DNAH14: variants seen among roughly 807,000 people sequenced by gnomAD.
DNAH14 encodes axonemal beta dynein heavy chain 14.
Under a neutral mutation model 520.9 loss-of-function variants are expected in DNAH14, and 478 were observed. That is an observed-to-expected ratio of 0.92 (90% CI 0.85 to 0.99). The LOEUF is 0.99. DNAH14 is among the 50% of genes least tolerant of loss of function. The pLI is 0.00. For synonymous variants in DNAH14, 1,581 were observed against 1,757.2 expected (o/e 0.90, Z 2.51); for missense variants, 4,831 against 5,234.5 (o/e 0.92, Z 2.38).
chr1:225,167,540 A>G (rs1402385150), intron 35 of DNAH14, among the ~76,000 whole-genome samples: 1 of 152,230 alleles, frequency 6.6e-6, no homozygotes, highest in African/African-American at 2.4e-5. Context: ...TAATCATTAC[A>G]AAATTGAAAA....
intron 55 of DNAH14, among the ~76,000 whole-genome samples, chr1:225,291,934 T>C (rs1285739005): frequency 6.6e-6 from 1 of 152,100 alleles, no homozygotes; most frequent in East Asian, 1.9e-4. Context: ...TTGTTTTTCG[T>C]TCTTTATTTT....
At position 225,259,261 on chromosome 1, in the gene DNAH14, A is replaced by T; in HGVS notation, c.7157+8A>T. On this transcript the variant is annotated splice_region_variant and intron_variant, in intron 46 of 85. Transcript: ENST00000682510. ...TGAAATAAAAAAATCAAGGTTGTAT[A>T]TACTAACTTCTAAATTTGATTTGTC... 1 of 1,396,666 alleles carries T rather than the reference A, an allele frequency of 7.2e-7. No individual in the cohort carries two copies. Among genetic ancestry groups the T allele is most frequent in the Non-Finnish European group, 9.4e-7 (1 of 1,061,936 alleles). The allele number at this position is 1,396,666 out of a possible 1,614,324, so 86.5% of individuals were successfully genotyped here. A position where few individuals can be genotyped will look rare whatever the true frequency, so the allele number is the denominator to read the frequency against.
At chr1:225,290,649 A>G (rs761876714) in intron 55 of DNAH14, among the ~76,000 whole-genome samples, 40 of 16,086 alleles carry the variant, frequency 2.5e-3, no homozygotes, top group African/African-American at 5.2e-3. Context: ...GTGTGTGTGT[A>G]TATATATATA....
At chr1:225,043,630 T>C in intron 13 of DNAH14, 114 bp from the exon 14 acceptor site, 1 of 780,904 alleles carries the variant, frequency 1.3e-6, no homozygotes, top group East Asian at 2.9e-5. Context: ...AAGTGACTTC[T>C]TGAGTTTATT....
At chr1:225,066,695 A>T (rs1170286522) in intron 17 of DNAH14, among the ~76,000 whole-genome samples, 1 of 151,340 alleles carries the variant, frequency 6.6e-6, no homozygotes, top group African/African-American at 2.4e-5. Context: ...TATTGTTCTT[A>T]CGCCTTTGCA....
intron 38 of DNAH14, among the ~76,000 whole-genome samples, chr1:225,201,942 C>G (rs528729159): frequency 4.9e-5 from 7 of 141,858 alleles, no homozygotes; most frequent in Admixed American, 4.4e-4. Flanking sequence ...ATGGTGCAAT[C>G]TCAGCTCACT....
chr1:225,043,278 A>G (rs1329610739), intron 13 of DNAH14, among the ~76,000 whole-genome samples, 164 bp downstream of exon 13: 1 of 146,588 alleles, frequency 6.8e-6, no homozygotes, highest in East Asian at 2.0e-4. Context: ...CTCTTGGGGA[A>G]AAAAAAAAAA....
At chr1:224,941,715 C>G (rs980569827) in intron 1 of DNAH14, among the ~76,000 whole-genome samples, 5 of 152,176 alleles carry the variant, frequency 3.3e-5, no homozygotes, top group Admixed American at 2.0e-4. Flanking sequence ...CCAGTTTCAG[C>G]TTTCTACATA....
In DNAH14 at chr1:225,380,146, G is replaced by A; in HGVS notation, c.12717-13G>A. The A allele has an allele frequency of 6.5e-7, 1 of 1,533,338 alleles. No homozygotes were observed. The highest frequency in any genetic ancestry group is 8.8e-7 in the Non-Finnish European group (1 of 1,137,806). 95.0% of individuals were successfully genotyped at this position (1,533,338 alleles called of 1,614,324 possible). On this transcript the variant is annotated splice_polypyrimidine_tract_variant and intron_variant, in intron 79 of 85. Transcript: ENST00000682510. ...TGTTCTGTGTCTCATTCTTCTCTTG[G>A]TTTTTTTTGCAGACCTGAGCAGAGT... is the stretch of plus-strand genomic sequence containing the variant.
intron 38 of DNAH14, among the ~76,000 whole-genome samples, chr1:225,201,873 C>CTT (rs35342713): frequency 0.028 from 3,378 of 122,442 alleles, 226 homozygotes; most frequent in African/African-American, 0.085. Flanking sequence ...TTCTTTCTTC[C>CTT]TTTTTTTTTT....
Position 225,381,384 on chromosome 1 carries a change from T to C in DNAH14, c.12882T>C (p.Asp4294=). ...IWESLSKNLK[D]HDPLIHCVLL... is the part of the protein sequence containing the mutation. ...ATTTTATTTCTTTTTAAAATCCAGA[T>C]CACGACCCCCTTATCCATTGTGTCT... is the stretch of plus-strand genomic sequence containing the variant. Residue 4294 remains aspartate, a splice_region_variant and synonymous_variant, in exon 81 of 86, where the codon GAT becomes GAC. Transcript: ENST00000682510. 1 of 1,533,976 alleles carries C rather than the reference T, an allele frequency of 6.5e-7. No individual in the cohort carries two copies. The highest frequency in any genetic ancestry group is 2.2e-5 in the Admixed American group (1 of 45,018).
intron 36 of DNAH14, among the ~76,000 whole-genome samples, chr1:225,169,278 G>A (rs540257058): frequency 2.6e-5 from 4 of 152,184 alleles, no homozygotes; most frequent in Non-Finnish European, 5.9e-5. Context: ...CACCAGCAAC[G>A]GAACAAAGCT....
intron 55 of DNAH14, among the ~76,000 whole-genome samples, 160 bp from the exon 56 acceptor site, chr1:225,300,709 A>T (rs1203568670): frequency 6.6e-6 from 1 of 151,916 alleles, no homozygotes; most frequent in Non-Finnish European, 1.5e-5. Flanking sequence ...TGTCTCAAAA[A>T]AAAAGGTGGG....
rs149694250 is a variant in DNAH14, at chr1:225,094,086, T to C, written c.3574-3032T>C. ...CGTTTTACAGATTCAGTGCTGTTCTTATCATGCTACCAATGACATTCTTCA... is the reference window on the plus strand; with the variant it reads ...CGTTTTACAGATTCAGTGCTGTTCTCATCATGCTACCAATGACATTCTTCA... On this transcript the variant is annotated intron_variant, in intron 21 of 85. Coordinates refer to ENST00000682510, the MANE Select transcript of DNAH14 (RefSeq NM_001367479.1). 9.9e-4 allele frequency among the ~76,000 whole-genome samples: 151 copies of C among 152,284 alleles called. 1 individual carries two copies. The highest frequency in any genetic ancestry group is 3.6e-3 in the African/African-American group (148 of 41,564).
intron 27 of DNAH14, among the ~76,000 whole-genome samples, chr1:225,137,888 C>T (rs1045964694): frequency 1.3e-5 from 2 of 152,208 alleles, no homozygotes; most frequent in Non-Finnish European, 2.9e-5. Flanking sequence ...TACAGAACCT[C>T]AGAGATAGCG....
In DNAH14 at chr1:225,145,315, T is replaced by C; in HGVS notation, c.4741-11T>C. On this transcript the variant is annotated splice_polypyrimidine_tract_variant and intron_variant, in intron 29 of 85. Transcript: ENST00000682510. ...ATTCAAGAAAGATACTAAAATATTT[T>C]TGTTTCCCAGTCCTTAGGCAAACAT... 2 of 1,539,704 alleles carry C rather than the reference T, an allele frequency of 1.3e-6. No homozygotes were observed. Among genetic ancestry groups the C allele is most frequent in the Non-Finnish European group, 1.8e-6 (2 of 1,141,208 alleles).
chr1:225,140,612 C>A (rs918905761), intron 27 of DNAH14, 156 bp from the exon 28 acceptor site: 1 of 594,390 alleles, frequency 1.7e-6, no homozygotes, highest in Non-Finnish European at 2.7e-6. Flanking sequence ...CTTTAGCCCT[C>A]AAATACACAC....
intron 35 of DNAH14, 51 bp downstream of exon 35, chr1:225,159,536 A>G (rs1280474357): frequency 1.4e-6 from 2 of 1,410,872 alleles, no homozygotes; most frequent in Non-Finnish European, 9.4e-7. Flanking sequence ...TGGAATATCA[A>G]TTAAGAAACT....
intron 6 of DNAH14, 52 bp from the exon 7 acceptor site, chr1:224,968,707 G>T: frequency 1.8e-6 from 2 of 1,095,364 alleles, no homozygotes; most frequent in South Asian, 3.4e-5. Context: ...TCTTGAAAAT[G>T]GTACATATTT....
Sources: gnomAD v4.1 joint callset for allele counts (sites outside exome capture counted in the v4.1 genomes callset) on GRCh38, gnomAD v4.1.1 for gene constraint, MANE v1.5 for transcripts, NCBI Gene and HGNC (gene_info 2026-07-23, HGNC 2026-07-21) for gene names.